Variants in BCO2 observed in about 807,000 individuals in gnomAD.
The protein encoded by BCO2 is carotenoid-cleaving dioxygenase, mitochondrial.
A neutral mutation model predicts 65.8 loss-of-function variants in BCO2; 56 were observed. The ratio of observed to expected loss-of-function variants is 0.85; its 90% CI spans 0.69 to 1.06. The LOEUF (loss-of-function observed/expected upper bound fraction) is 1.06. Ranked by LOEUF, BCO2 falls within the 50% of genes least tolerant of loss-of-function variation. BCO2 has a pLI of 0.00. For missense variants in BCO2, 675 were observed against 698.5 expected, an observed-to-expected ratio of 0.97 and a Z score of 0.38; for synonymous variants, 233 against 242.3, an observed-to-expected ratio of 0.96 and a Z score of 0.36.
At chr11:112,176,493 T>C in intron 1 of BCO2, 1 of 109,468 alleles carries the variant, frequency 9.1e-6, no homozygotes, top group Non-Finnish European at 1.7e-5. Flanking sequence ...TTGGGAAATA[T>C]CCTAGATGAA....
At chr11:112,216,737 G>A (rs1418713142) in intron 11 of BCO2, among the ~76,000 whole-genome samples, 2 of 152,170 alleles carry the variant, frequency 1.3e-5, no homozygotes, top group African/African-American at 4.8e-5. Flanking sequence ...CATGTGTGCT[G>A]CCAATTTCAA....
At chr11:112,210,756 G>GCA (rs34029146) in intron 8 of BCO2, among the ~76,000 whole-genome samples, 105 of 148,282 alleles carry the variant, frequency 7.1e-4, no homozygotes, top group African/African-American at 1.8e-3. Context: ...CTAAATACAC[G>GCA]CACACACACA....
At chr11:112,200,861 G>A in intron 7 of BCO2, 88 bp downstream of exon 7, 2 of 1,408,904 alleles carry the variant, frequency 1.4e-6, no homozygotes, top group South Asian at 1.2e-5. Context: ...ATCTTCCCTG[G>A]TTAAAAGTGC....
intron 4 of BCO2, chr11:112,194,222 G>A: frequency 2.0e-6 from 1 of 490,882 alleles, no homozygotes; most frequent in Non-Finnish European, 3.7e-6. Flanking sequence ...CTGAAGGCTA[G>A]GGTAAAGGAG....
At chr11:112,198,858 CTTT>C (rs34582291) in intron 5 of BCO2, among the ~76,000 whole-genome samples, 3 of 145,324 alleles carry the variant, frequency 2.1e-5, no homozygotes, top group Admixed American at 6.8e-5. Flanking sequence ...TGGCTGCTAT[CTTT>C]TTTTTTTTTT....
chr11:112,202,418 G>C (rs1236059412), intron 8 of BCO2, among the ~76,000 whole-genome samples: 1 of 152,052 alleles, frequency 6.6e-6, no homozygotes, highest in Non-Finnish European at 1.5e-5. Flanking sequence ...GGGTAGCTGG[G>C]ATTATAGGCA....
At chr11:112,207,368 G>C (rs1196409642) in intron 8 of BCO2, among the ~76,000 whole-genome samples, 6 of 152,188 alleles carry the variant, frequency 3.9e-5, no homozygotes, top group Non-Finnish European at 8.8e-5. Flanking sequence ...ATATGGCCCA[G>C]TATACAGTCT....
Position 112,216,243 on chromosome 11 carries a change from T to C in BCO2, c.1539T>C (p.Tyr513=). 6.2e-7 allele frequency: 1 copy of C among 1,614,152 alleles called. No individual in the cohort carries two copies. The highest frequency in any genetic ancestry group is 8.5e-7 in the Non-Finnish European group (1 of 1,179,994). Residue 513 remains tyrosine, a synonymous_variant, in exon 11 of 12, where the codon TAT becomes TAC. Transcript: ENST00000357685. ...AGGTTTGGAGAGAAGATGGCTTTTA[T>C]CCCTCAGAACCTGTTTTTGTTCCAG... ...TLKVWREDGF[Y]PSEPVFVPAP...
In BCO2 at chr11:112,199,206, G is replaced by T. The variant is rs1286917458; in HGVS notation, c.737-493G>T. Among the ~76,000 whole-genome samples the T allele has an allele frequency of 2.0e-5, 3 of 152,172 alleles. No homozygotes were observed. In the East Asian group the frequency reaches 5.8e-4, roughly 29 times the overall value. On this transcript the variant is annotated intron_variant, in intron 5 of 11. Transcript: ENST00000357685. Reference sequence around the variant, plus strand: ...TCCCACTTATGAGTGAGAACATGCGGTGTTTGGTTTTCTGTCCTTGTGTTA... The same window carrying T: ...TCCCACTTATGAGTGAGAACATGCGTTGTTTGGTTTTCTGTCCTTGTGTTA...
intron 2 of BCO2, 190 bp downstream of exon 2, chr11:112,179,672 T>C (rs1378777863): frequency 1.7e-6 from 1 of 599,118 alleles, no homozygotes; most frequent in Non-Finnish European, 2.9e-6. Flanking sequence ...TTTTCTGCTC[T>C]GTAGACTATT....
intron 2 of BCO2, among the ~76,000 whole-genome samples, chr11:112,187,630 C>A (rs1276519971): frequency 1.3e-5 from 2 of 151,954 alleles, no homozygotes; most frequent in Non-Finnish European, 2.9e-5. Context: ...CATTTGAACT[C>A]CTTCAGCTTC....
intron 5 of BCO2, among the ~76,000 whole-genome samples, chr11:112,196,606 C>T (rs1344424523): frequency 6.6e-6 from 1 of 152,074 alleles, no homozygotes; most frequent in African/African-American, 2.4e-5. Context: ...TCTAATATTT[C>T]TTTCATCACT....
chr11:112,213,602 A>C, intron 8 of BCO2, 122 bp from the exon 9 acceptor site: 2 of 1,092,978 alleles, frequency 1.8e-6, no homozygotes, highest in Non-Finnish European at 2.7e-6. Flanking sequence ...TAGATGAATG[A>C]ATGGAAATTA....
rs562657248 is a variant in BCO2 at position 112,187,010 on chromosome 11, G to T, written c.294-6464G>T. On this transcript the variant is annotated intron_variant, in intron 2 of 11. Transcript: ENST00000357685. ...TGATTGTCCCCCTCCATGCCACTTC[G>T]ACAAGGCCACATACTAAGGCCACAC... 3.3e-5 allele frequency among the ~76,000 whole-genome samples: 5 copies of T among 152,154 alleles called. No individual in the cohort carries two copies. The South Asian group carries it at 6.2e-4, about 19-fold the overall frequency.
intron 8 of BCO2, among the ~76,000 whole-genome samples, chr11:112,205,936 C>T (rs1453615306): frequency 6.6e-6 from 1 of 151,906 alleles, no homozygotes; most frequent in African/African-American, 2.4e-5. Context: ...GTCCATTGCC[C>T]ATTTTTTATT....
intron 3 of BCO2, 44 bp from the exon 4 acceptor site, chr11:112,193,835 A>G: frequency 2.7e-6 from 4 of 1,470,554 alleles, no homozygotes; most frequent in Non-Finnish European, 2.9e-6. Flanking sequence ...AGCGTCGTCT[A>G]CAGTAAGCTG....
chr11:112,206,086 G>A (rs769762360), intron 8 of BCO2, among the ~76,000 whole-genome samples: 1 of 152,186 alleles, frequency 6.6e-6, no homozygotes. Context: ...GTTGCGCAGC[G>A]GCCAGGCAGA....
At position 112,202,105 on chromosome 11, in the gene BCO2, T is replaced by C. The variant is rs1198906164; in HGVS notation, c.1109T>C (p.Ile370Thr). The C allele has an allele frequency of 1.9e-6, 3 of 1,614,090 alleles. No homozygotes were observed. Among genetic ancestry groups the C allele is most frequent in the Admixed American group, 3.3e-5 (2 of 60,010 alleles). ...NAFEDQGCVI[I>T]DLCCQDNGRT... The stretch of plus-strand genomic sequence containing the variant: ...TTTGAGGACCAGGGCTGTGTTATAA[T>C]TGATTTGTGCTGTCAAGATAATGGA... Residue 370 changes from isoleucine (I) to threonine (T), a missense_variant, in exon 8 of 12, where the codon ATT (isoleucine) becomes ACT (threonine). Transcript: ENST00000357685.
Position 112,200,808 on chromosome 11 carries a change from G to A in BCO2, c.1026+35G>A, listed in dbSNP as rs543997328. 7 of 1,594,648 alleles carry A rather than the reference G, an allele frequency of 4.4e-6. No homozygotes were observed. In the African/African-American group the frequency reaches 6.8e-5, roughly 15 times the overall value. On this transcript the variant is annotated intron_variant, in intron 7 of 11. Transcript: ENST00000357685. ...TTTGAGTATATTTATCATGAAAATT[G>A]TTGGAAACAAAGGCAAATTTCCATA... is the stretch of plus-strand genomic sequence containing the variant.
Sources: gnomAD v4.1 joint callset for allele counts (sites outside exome capture counted in the v4.1 genomes callset) on GRCh38, gnomAD v4.1.1 for gene constraint, MANE v1.5 for transcripts, NCBI Gene and HGNC (gene_info 2026-07-23, HGNC 2026-07-21) for gene names.